The following ARHGEF4 variants were observed in gnomAD, a reference collection of about 807,000 sequenced individuals.
ARHGEF4 encodes Rho guanine nucleotide exchange factor 4.
A neutral mutation model predicts 162.0 loss-of-function variants in ARHGEF4; 119 were observed. That is an observed-to-expected ratio of 0.73 (90% CI 0.63 to 0.86). ARHGEF4 has a LOEUF of 0.86. Among genes scored for constraint, ARHGEF4 ranks in the 40% least tolerant of loss-of-function variants. The pLI is 0.00. For synonymous variants in ARHGEF4, 1,014 were observed against 979.9 expected (o/e 1.03, Z -0.65); for missense variants, 2,488 against 2,456.0 (o/e 1.01, Z -0.28).
intron 4 of ARHGEF4, among the ~76,000 whole-genome samples, chr2:131,014,733 G>A (rs112374800): frequency 6.6e-6 from 1 of 152,194 alleles, no homozygotes; most frequent in African/African-American, 2.4e-5. Flanking sequence ...GTCTCCCTGA[G>A]GTGGGGATTG....
intron 4 of ARHGEF4, among the ~76,000 whole-genome samples, chr2:131,005,043 G>A (rs955878523): frequency 3.3e-5 from 5 of 152,220 alleles, no homozygotes; most frequent in Middle Eastern, 3.2e-3. Flanking sequence ...GCAGCAAAGG[G>A]GGCCCTGGGT....
intron 4 of ARHGEF4, among the ~76,000 whole-genome samples, chr2:131,010,374 A>G (rs532401732): frequency 3.3e-5 from 5 of 152,320 alleles, no homozygotes; most frequent in South Asian, 2.1e-4. Context: ...GTGCCATCAG[A>G]TAGCCGTTTT....
In ARHGEF4 at chr2:131,041,332, G is replaced by T; in HGVS notation, c.4765G>T (p.Glu1589Ter). 2 of 1,613,764 alleles carry T rather than the reference G, an allele frequency of 1.2e-6. No homozygotes were observed. Among genetic ancestry groups the T allele is most frequent in the Non-Finnish European group, 1.7e-6 (2 of 1,180,032 alleles). Residue 1589 changes from glutamate (E) to a stop codon, truncating the protein, a stop_gained, in exon 9 of 14, where the codon GAG (glutamate) becomes TAG (stop). Transcript: ENST00000409359. LOFTEE classifies it high-confidence loss of function. ...TKLSKYVYFFEACRLLQKMID... is the reference protein window; with the variant it reads ...TKLSKYVYFF ...GCTCAGCAAGTACGTGTACTTCTTC[G>T]AGGCCTGCCGGCTGCTGCAGAAGAT...
chr2:130,976,605 G>A (rs1305679498), intron 4 of ARHGEF4, among the ~76,000 whole-genome samples: 1 of 152,196 alleles, frequency 6.6e-6, no homozygotes, highest in Non-Finnish European at 1.5e-5. Flanking sequence ...GAAGGCAGGT[G>A]TGAAAAGCCT....
chr2:130,918,977 G>GTCTCA (rs1681703723), intron 2 of ARHGEF4, among the ~76,000 whole-genome samples: 1 of 152,210 alleles, frequency 6.6e-6, no homozygotes. Context: ...ATACTAAGGT[G>GTCTCA]TCTCATCTTT....
Position 130,990,936 on chromosome 2 carries a change from C to G in ARHGEF4, c.3986-37009C>G, listed in dbSNP as rs572360316. ...GGGTTCAGATTTACATCAACTCACA[C>G]AGTCTGCAAATTGGGAAATTTACAA... On this transcript the variant is annotated intron_variant, in intron 4 of 13. Transcript: ENST00000409359. Among the ~76,000 whole-genome samples the G allele has an allele frequency of 2.0e-5, 3 of 152,298 alleles. No homozygotes were observed. In the East Asian group the frequency reaches 5.8e-4, roughly 29 times the overall value.
At chr2:130,890,003 C>A (rs1315593421) in intron 1 of ARHGEF4, among the ~76,000 whole-genome samples, 1 of 152,100 alleles carries the variant, frequency 6.6e-6, no homozygotes, top group Non-Finnish European at 1.5e-5. Flanking sequence ...CCTCCTCTGG[C>A]TGAATTTAAG....
chr2:131,023,037 T>TCAAGAC (rs978218128), intron 4 of ARHGEF4, among the ~76,000 whole-genome samples: 1 of 112,606 alleles, frequency 8.9e-6, no homozygotes, highest in Non-Finnish European at 1.7e-5. Context: ...GCCCAGGAGT[T>TCAAGAC]CAAGACCAGC....
At chr2:130,912,665 C>G (rs1293465034) in intron 1 of ARHGEF4, among the ~76,000 whole-genome samples, 2 of 152,078 alleles carry the variant, frequency 1.3e-5, no homozygotes, top group African/African-American at 4.8e-5. Context: ...GGGCTGAGTG[C>G]TTGGCCAGCT....
At chr2:130,841,528 C>T (rs551062660) in intron 1 of ARHGEF4, among the ~76,000 whole-genome samples, 6 of 152,028 alleles carry the variant, frequency 3.9e-5, no homozygotes, top group African/African-American at 4.8e-5. Flanking sequence ...CTCTGGCTGC[C>T]GGCACCTGAA....
Position 130,968,901 on chromosome 2 carries a change from G to A in ARHGEF4, c.3985+22266G>A, listed in dbSNP as rs187069456. ...CCACTGCACTCCAGCCTGGGCAACAGAGCAAGTCTCAGTCTCAAAAAATAA... is the reference window on the plus strand; with the variant it reads ...CCACTGCACTCCAGCCTGGGCAACAAAGCAAGTCTCAGTCTCAAAAAATAA... On this transcript the variant is annotated intron_variant, in intron 4 of 13. Transcript: ENST00000409359. Among the ~76,000 whole-genome samples, 638 of 152,254 alleles carry A rather than the reference G, an allele frequency of 4.2e-3. 6 individuals are homozygous for A. The highest frequency in any genetic ancestry group is 0.015 in the African/African-American group (620 of 41,550).
At chr2:130,947,421 G>C (rs1219261907) in intron 4 of ARHGEF4, among the ~76,000 whole-genome samples, 1 of 151,946 alleles carries the variant, frequency 6.6e-6, no homozygotes, top group Non-Finnish European at 1.5e-5. Context: ...GGAATTCCTA[G>C]AGTCCCCCAG....
intron 1 of ARHGEF4, among the ~76,000 whole-genome samples, chr2:130,912,900 TGAGA>T (rs369362157): frequency 1.1e-3 from 160 of 152,154 alleles, no homozygotes; most frequent in African/African-American, 2.8e-3. Context: ...TAAGATATTT[TGAGA>T]GAGAGAGAGA....
chr2:130,842,865 C>T (rs577433411), intron 1 of ARHGEF4, among the ~76,000 whole-genome samples: 63 of 152,288 alleles, frequency 4.1e-4, no homozygotes, highest in Admixed American at 1.0e-3. Flanking sequence ...AAAAGAGTGA[C>T]GTCTTGGCAG....
At chr2:130,992,302 A>C (rs909466084) in intron 4 of ARHGEF4, among the ~76,000 whole-genome samples, 7 of 152,226 alleles carry the variant, frequency 4.6e-5, no homozygotes, top group African/African-American at 1.7e-4. Context: ...CCCCTTCCAC[A>C]CTGTGGAAGC....
chr2:130,918,171 C>T (rs1343129241), intron 2 of ARHGEF4, among the ~76,000 whole-genome samples: 1 of 152,198 alleles, frequency 6.6e-6, no homozygotes, highest in Non-Finnish European at 1.5e-5. Flanking sequence ...CTCATGTTGT[C>T]TTCTAGTACT....
intron 4 of ARHGEF4, among the ~76,000 whole-genome samples, chr2:130,948,091 G>C (rs1406334581): frequency 6.6e-6 from 1 of 152,230 alleles, no homozygotes; most frequent in Non-Finnish European, 1.5e-5. Flanking sequence ...AGTGTGGTGA[G>C]GCAGAGGATG....
intron 1 of ARHGEF4, among the ~76,000 whole-genome samples, chr2:130,853,311 C>T (rs1681542770): frequency 1.3e-5 from 2 of 152,168 alleles, no homozygotes; most frequent in Non-Finnish European, 1.5e-5. Flanking sequence ...GTAGGAGAGC[C>T]TCTCTGGGCA....
intron 1 of ARHGEF4, among the ~76,000 whole-genome samples, chr2:130,897,100 A>G (rs1680200520): frequency 6.6e-6 from 1 of 152,320 alleles, no homozygotes; most frequent in Middle Eastern, 3.4e-3. Flanking sequence ...CTGGTCCCCT[A>G]ATGCTAGCAG....
Sources: allele counts gnomAD v4.1 joint callset (sites outside exome capture counted in the v4.1 genomes callset), GRCh38; gene constraint gnomAD v4.1.1; transcripts MANE v1.5; gene names NCBI Gene and HGNC (gene_info 2026-07-23, HGNC 2026-07-21).